OTUD7A: variants seen among roughly 807,000 people sequenced by gnomAD.
OTUD7A encodes the protein OTU deubiquitinase 7A, also known as OTU domain-containing protein 7A.
In OTUD7A, 12 loss-of-function variants were observed where a neutral mutation model predicts 65.7. The observed-to-expected ratio is 0.18, with a 90% CI of 0.12 to 0.30. OTUD7A has a LOEUF of 0.30. Ranked by LOEUF, OTUD7A falls within the 10% of genes least tolerant of loss-of-function variation. The pLI, the probability that OTUD7A is intolerant of heterozygous loss-of-function variation, is 1.00. For synonymous variants in OTUD7A, 641 were observed against 586.3 expected, an observed-to-expected ratio of 1.09 and a Z score of -1.35; for missense variants, 1,148 against 1,304.8, an observed-to-expected ratio of 0.88 and a Z score of 1.85.
At chr15:31,511,099 T>C (rs2041717260) in intron 8 of OTUD7A, among the ~76,000 whole-genome samples, 1 of 42,218 alleles carries the variant, frequency 2.4e-5, no homozygotes, top group Non-Finnish European at 4.0e-5. Context: ...CATACATATG[T>C]ATATCTATAT....
intron 1 of OTUD7A, among the ~76,000 whole-genome samples, chr15:31,714,822 A>G (rs1893541869): frequency 6.6e-6 from 1 of 152,194 alleles, no homozygotes; most frequent in East Asian, 1.9e-4. Context: ...TCTTCTCAAC[A>G]CAGCCACAAG....
intron 1 of OTUD7A, among the ~76,000 whole-genome samples, chr15:31,816,912 G>T (rs1045178453): frequency 2.0e-5 from 3 of 152,344 alleles, no homozygotes; most frequent in Admixed American, 2.0e-4. Flanking sequence ...TGAACCGCAA[G>T]AAGGTGTCTG....
chr15:31,721,920 A>G (rs1167215123), intron 1 of OTUD7A, among the ~76,000 whole-genome samples: 2 of 152,254 alleles, frequency 1.3e-5, no homozygotes, highest in African/African-American at 4.8e-5. Context: ...CCCGATGCCC[A>G]GTGCAGCATC....
intron 1 of OTUD7A, among the ~76,000 whole-genome samples, chr15:31,708,179 T>C (rs1893350965): frequency 1.3e-5 from 2 of 151,872 alleles, no homozygotes; most frequent in Non-Finnish European, 2.9e-5. Context: ...CAAGACACTT[T>C]TGCTTTTTAA....
chr15:31,489,499 G>A (rs2041286972), intron 10 of OTUD7A, among the ~76,000 whole-genome samples: 1 of 152,114 alleles, frequency 6.6e-6, no homozygotes, highest in Non-Finnish European at 1.5e-5. Context: ...AGCCACCCCG[G>A]CCCCAGGATT....
rs776362084 is a variant in OTUD7A at position 31,641,581 on chromosome 15, T to C, written c.151+13515A>G. ...TCTTTTGACCCATGGATATGGTACATTTAACCCTTTATTTAGGTTTTTCAT... is the reference window on the plus strand; with the variant it reads ...TCTTTTGACCCATGGATATGGTACACTTAACCCTTTATTTAGGTTTTTCAT... On this transcript the variant is annotated intron_variant, in intron 3 of 12. Coordinates refer to ENST00000307050, the MANE Select transcript of OTUD7A (RefSeq NM_001382637.1). Among the ~76,000 whole-genome samples, 52 of 152,194 alleles carry C rather than the reference T, an allele frequency of 3.4e-4. 1 individual carries two copies. The highest frequency in any genetic ancestry group is 4.4e-4 in the Non-Finnish European group (30 of 68,032).
At chr15:31,778,269 A>G (rs764255874) in intron 1 of OTUD7A, among the ~76,000 whole-genome samples, 5 of 152,158 alleles carry the variant, frequency 3.3e-5, no homozygotes, top group Middle Eastern at 3.2e-3. Flanking sequence ...CTGACTGGTC[A>G]CTTTGTAGCA....
chr15:31,640,848 A>ATG (rs536505510), intron 3 of OTUD7A, among the ~76,000 whole-genome samples: 2 of 151,868 alleles, frequency 1.3e-5, no homozygotes, highest in East Asian at 1.9e-4. Context: ...ATGTGTGTGT[A>ATG]TGTGTGTGTG....
rs185917055 is a variant in OTUD7A at position 31,480,174 on chromosome 15, A to C, written c.*3120T>G. On this transcript the variant is annotated 3_prime_UTR_variant, in exon 13 of 13. Coordinates refer to ENST00000307050, the MANE Select transcript of OTUD7A (RefSeq NM_001382637.1). ...ATGTTCTGAAAATAATACAAAAATA[A>C]TTTTTATAGTACAGTTTAAACTTGG... 6.6e-6 allele frequency: 1 copy of C among 152,278 alleles called. No homozygotes were observed. Among genetic ancestry groups the C allele is most frequent in the South Asian group, 2.1e-4 (1 of 4,830 alleles). The allele number at this position is 152,278 out of a possible 1,614,324, so 9.4% of individuals were successfully genotyped here. A position where few individuals can be genotyped will look rare whatever the true frequency, so the allele number is the denominator to read the frequency against.
At chr15:31,511,901 G>A (rs769983152) in intron 8 of OTUD7A, among the ~76,000 whole-genome samples, 9 of 151,168 alleles carry the variant, frequency 6.0e-5, no homozygotes, top group Non-Finnish European at 1.3e-4. Flanking sequence ...TAACCCCCCC[G>A]CCCATGGGGA....
At chr15:31,626,308 T>C (rs940694339) in intron 3 of OTUD7A, among the ~76,000 whole-genome samples, 3 of 152,240 alleles carry the variant, frequency 2.0e-5, no homozygotes, top group South Asian at 2.1e-4. Flanking sequence ...ATTAGATGAA[T>C]TGATGGATTC....
At chr15:31,701,361 C>T (rs1392559736) in intron 1 of OTUD7A, among the ~76,000 whole-genome samples, 2 of 150,992 alleles carry the variant, frequency 1.3e-5, no homozygotes, top group African/African-American at 2.4e-5. Flanking sequence ...AAACTTTTTA[C>T]AATTTTTTCC....
At chr15:31,773,126 G>A (rs1895285251) in intron 1 of OTUD7A, among the ~76,000 whole-genome samples, 1 of 152,082 alleles carries the variant, frequency 6.6e-6, no homozygotes, top group Non-Finnish European at 1.5e-5. Flanking sequence ...TTATTATTTA[G>A]CATGTACTCC....
intron 1 of OTUD7A, among the ~76,000 whole-genome samples, chr15:31,693,839 GC>G (rs1474516186): frequency 1.3e-5 from 2 of 152,072 alleles, no homozygotes; most frequent in African/African-American, 4.8e-5. Flanking sequence ...TCCCCTACTT[GC>G]CTATGGTCTA....
chr15:31,857,616 C>T (rs910534705), intron 1 of OTUD7A, among the ~76,000 whole-genome samples: 27 of 152,156 alleles, frequency 1.8e-4, no homozygotes, highest in African/African-American at 6.5e-4. Context: ...CCGGGCCCCT[C>T]GATGTTAGGA....
intron 1 of OTUD7A, among the ~76,000 whole-genome samples, chr15:31,762,850 C>G (rs193054442): frequency 5.9e-5 from 9 of 152,160 alleles, no homozygotes; most frequent in African/African-American, 2.2e-4. Flanking sequence ...TTACTTGGTA[C>G]ACAAATGACC....
At chr15:31,710,486 C>A (rs968260850) in intron 1 of OTUD7A, among the ~76,000 whole-genome samples, 42 of 152,058 alleles carry the variant, frequency 2.8e-4, no homozygotes, top group African/African-American at 9.9e-4. Flanking sequence ...AGTTCTCAGA[C>A]ATCCAGAATG....
chr15:31,767,059 C>T lies in OTUD7A; in HGVS notation c.-100+103448G>A. On this transcript the variant is annotated intron_variant, in intron 1 of 12. Transcript: ENST00000307050. ...AACTAGCTGCATTTTCTTAGCACAT[C>T]TTTCTTGAAATCCTGGATTGCTTAT... 2.5e-6 allele frequency: 4 copies of T among 1,594,090 alleles called. No homozygotes were observed. The Admixed American group carries it at 7.0e-5, about 28-fold the overall frequency.
intron 1 of OTUD7A, among the ~76,000 whole-genome samples, chr15:31,803,516 C>T (rs1896189207): frequency 6.6e-6 from 1 of 152,198 alleles, no homozygotes. Flanking sequence ...TGCCTCTGCC[C>T]TTGTCTTGCT....
Sources: allele counts gnomAD v4.1 joint callset (sites outside exome capture counted in the v4.1 genomes callset), GRCh38; gene constraint gnomAD v4.1.1; transcripts MANE v1.5; gene names NCBI Gene and HGNC (gene_info 2026-07-23, HGNC 2026-07-21).